Variants in RFXANK observed in about 807,000 individuals in gnomAD.
RFXANK encodes regulatory factor X associated ankyrin containing protein, also known as DNA-binding protein RFXANK.
A neutral mutation model predicts 34.5 loss-of-function variants in RFXANK; 19 were observed. The ratio of observed to expected loss-of-function variants is 0.55; its 90% confidence interval spans 0.38 to 0.81. The LOEUF (loss-of-function observed/expected upper bound fraction) is 0.81, where lower values mean the gene tolerates loss of function less well. RFXANK is among the 30% of genes least tolerant of loss of function. The pLI is 0.00. For missense variants in RFXANK, 295 were observed against 343.5 expected, an observed-to-expected ratio of 0.86 and a Z score of 1.12; for synonymous variants, 154 against 149.8, an observed-to-expected ratio of 1.03 and a Z score of -0.20.
intron 2 of RFXANK, among the ~76,000 whole-genome samples, 173 bp from the exon 3 acceptor site, chr19:19,193,766 T>C (rs898172730): frequency 1.3e-5 from 2 of 152,200 alleles, no homozygotes; most frequent in Non-Finnish European, 2.9e-5. Flanking sequence ...TGGTGGGGAA[T>C]GGTAGACCTC....
intron 8 of RFXANK, 74 bp from the exon 9 acceptor site, chr19:19,199,080 G>C: frequency 2.1e-6 from 3 of 1,400,428 alleles, no homozygotes; most frequent in Non-Finnish European, 3.0e-6. Context: ...GGTGCCATGG[G>C]ATCTCCCAGG....
intron 5 of RFXANK, 123 bp from the exon 6 acceptor site, chr19:19,197,395 CCAT>C: frequency 8.5e-7 from 1 of 1,182,966 alleles, no homozygotes. Context: ...TCATGTATGT[CCAT>C]CAACATACGC....
chr19:19,198,799 A>C, intron 8 of RFXANK, 76 bp downstream of exon 8: 1 of 1,427,340 alleles, frequency 7.0e-7, no homozygotes, highest in Non-Finnish European at 9.9e-7. Flanking sequence ...GGGCAGGGAG[A>C]CGCCCAAGTG....
rs761381018 is a variant in RFXANK at position 19,197,634 on chromosome 19, C to A, written c.438+13C>A. 6.2e-7 allele frequency: 1 copy of A among 1,611,656 alleles called. No individual in the cohort carries two copies. The highest frequency in any genetic ancestry group is 8.5e-7 in the Non-Finnish European group (1 of 1,178,406). On this transcript the variant is annotated intron_variant, in intron 6 of 9. Transcript: ENST00000303088. ...CCTGCTGGAGTGGGTGCGTCCCAGC[C>A]CAGCTGGGCAGCTGGGGGGTTCCCG...
Position 19,196,970 on chromosome 19 carries a change from C to T in RFXANK, c.195C>T (p.Ser65=), listed in dbSNP as rs759723151. The change falls in exon 4 of 10, where the codon AGC becomes AGT. Residue 65 remains serine, a synonymous_variant. Coordinates refer to ENST00000303088, the MANE Select transcript of RFXANK (RefSeq NM_003721.4). ...CTGTTGTCTGTTTCCCAGCAGGCAG[C>T]TCCCTGAAGCACTCCACCACTCTCA... The part of the protein sequence containing the change: ...DASVSSPQAG[S]SLKHSTTLTN... 1.2e-6 allele frequency: 2 copies of T among 1,612,114 alleles called. No homozygotes were observed. Among genetic ancestry groups the T allele is most frequent in the Non-Finnish European group, 8.5e-7 (1 of 1,179,942 alleles).
rs536121815 is a variant in RFXANK at position 19,197,531 on chromosome 19, C to T, written c.348C>T (p.Leu116=). The change falls in exon 6 of 10, where the codon CTC becomes CTT. Residue 116 remains leucine, a synonymous_variant. Transcript: ENST00000303088. The part of the protein sequence containing the change: ...LKEHLRKGDN[L]VNKPDERGFT... Reference sequence around the variant, plus strand: ...GCCTCCTCCTGCCAGGTGACAACCTCGTCAACAAGCCAGACGAGCGCGGCT... The same window carrying T: ...GCCTCCTCCTGCCAGGTGACAACCTTGTCAACAAGCCAGACGAGCGCGGCT... 7 of 1,613,792 alleles carry T rather than the reference C, an allele frequency of 4.3e-6. No individual in the cohort carries two copies. The highest frequency in any genetic ancestry group is 4.0e-5 in the African/African-American group (3 of 75,050).
At chr19:19,201,614 A>G (rs1394385805) in intron 9 of RFXANK, 35 bp from the exon 10 acceptor site, 6 of 1,613,746 alleles carry the variant, frequency 3.7e-6, no homozygotes, top group Non-Finnish European at 5.1e-6. Context: ...TCCCGATTCA[A>G]GCTCACAGCC....
Position 19,196,994 on chromosome 19 carries a change from C to T in RFXANK, c.219C>T (p.Leu73=). Residue 73 remains leucine, a synonymous_variant, in exon 4 of 10, where the codon CTC becomes CTT. Transcript: ENST00000303088. ...AGSSLKHSTT[L]TNRQRGNEVS... is the part of the protein sequence containing the mutation. Reference sequence around the variant, plus strand: ...GCTCCCTGAAGCACTCCACCACTCTCACCAACCGGCAGCGAGGGAACGAGG... The same window carrying T: ...GCTCCCTGAAGCACTCCACCACTCTTACCAACCGGCAGCGAGGGAACGAGG... 1.9e-6 allele frequency: 3 copies of T among 1,613,190 alleles called. No individual in the cohort carries two copies. Among genetic ancestry groups the T allele is most frequent in the Non-Finnish European group, 2.5e-6 (3 of 1,180,012 alleles).
At chr19:19,193,391 G>A (rs1163007738) in intron 2 of RFXANK, among the ~76,000 whole-genome samples, 1 of 149,928 alleles carries the variant, frequency 6.7e-6, no homozygotes, top group East Asian at 2.0e-4. Flanking sequence ...TGACCCCAGA[G>A]CCCCGGCTTT....
In RFXANK at chr19:19,193,076, G is replaced by A. The variant is rs1415530755; in HGVS notation, c.-33G>A. ...TGAGAGAACTGGGCTTTCGGCGCGGGGGGACAGAGGAGGCTCGTGGGGAGG... is the reference window on the plus strand; with the variant it reads ...TGAGAGAACTGGGCTTTCGGCGCGGAGGGACAGAGGAGGCTCGTGGGGAGG... On this transcript the variant is annotated 5_prime_UTR_variant, in exon 2 of 10. Coordinates refer to ENST00000303088, the MANE Select transcript of RFXANK (RefSeq NM_003721.4). 6.6e-6 allele frequency: 1 copy of A among 152,402 alleles called. No homozygotes were observed. Among genetic ancestry groups the A allele is most frequent in the Non-Finnish European group, 1.5e-5 (1 of 68,108 alleles). 9.4% of individuals were successfully genotyped at this position (152,402 alleles called of 1,614,324 possible).
chr19:19,192,305 A>G lies in RFXANK; in HGVS notation c.-399A>G. 1.4e-6 allele frequency: 1 copy of G among 736,340 alleles called. No individual in the cohort carries two copies. The highest frequency in any genetic ancestry group is 1.8e-5 in the African/African-American group (1 of 56,268). 45.6% of individuals were successfully genotyped at this position (736,340 alleles called of 1,614,324 possible). A position where few individuals can be genotyped will look rare whatever the true frequency, so the allele number is the denominator to read the frequency against. Reference sequence around the variant, plus strand: ...GTGTGAGACGCAGGGAAGGAGGCACACCCGGGGGTGGCGCAGTGAGGAGGG... The same window carrying G: ...GTGTGAGACGCAGGGAAGGAGGCACGCCCGGGGGTGGCGCAGTGAGGAGGG... On this transcript the variant is annotated 5_prime_UTR_variant, in exon 1 of 10. Transcript: ENST00000303088.
intron 9 of RFXANK, among the ~76,000 whole-genome samples, chr19:19,200,590 G>A (rs1171397963): frequency 1.3e-5 from 2 of 151,796 alleles, no homozygotes; most frequent in Non-Finnish European, 2.9e-5. Context: ...GGGACTACAG[G>A]CATGTACCAC....
At chr19:19,192,902 G>T (rs1280516798) in intron 1 of RFXANK, 58 bp from the exon 2 acceptor site, 2 of 152,406 alleles carry the variant, frequency 1.3e-5, no homozygotes, top group Non-Finnish European at 2.9e-5. Flanking sequence ...CAAGCGCAGT[G>T]GGGGAGCTCT....
chr19:19,198,345 G>A (rs1409226502), intron 7 of RFXANK, 113 bp downstream of exon 7: 2 of 1,485,174 alleles, frequency 1.3e-6, no homozygotes, highest in Admixed American at 1.9e-5. Context: ...GAGAACACGA[G>A]ACAGCCCCAT....
At position 19,201,406 on chromosome 19, in the gene RFXANK, A is replaced by G. The variant is rs571178532; in HGVS notation, c.713-243A>G. On this transcript the variant is annotated intron_variant, in intron 9 of 9. Coordinates refer to ENST00000303088, the MANE Select transcript of RFXANK (RefSeq NM_003721.4). ...TCTTTTCATGAAAGTCACAATTCAC[A>G]CATTTTGCTTGGTAGGAAATATTTT... The G allele has an allele frequency of 8.7e-6, 12 of 1,383,454 alleles. No homozygotes were observed. In the East Asian group the frequency reaches 2.7e-4, roughly 32 times the overall value. 85.7% of individuals were successfully genotyped at this position (1,383,454 alleles called of 1,614,324 possible).
At chr19:19,196,550 A>G (rs1293330421) in intron 3 of RFXANK, among the ~76,000 whole-genome samples, 1 of 147,188 alleles carries the variant, frequency 6.8e-6, no homozygotes, top group Non-Finnish European at 1.5e-5. Flanking sequence ...CAACAGAGCA[A>G]GACTCTGTCT....
At chr19:19,196,327 C>T (rs10409380) in intron 3 of RFXANK, among the ~76,000 whole-genome samples, 9 of 149,442 alleles carry the variant, frequency 6.0e-5, no homozygotes, top group African/African-American at 1.2e-4. Context: ...TGGGAGGCCA[C>T]GGCAGGAGAA....
At chr19:19,194,207 T>A in intron 3 of RFXANK, 74 bp downstream of exon 3, 1 of 1,477,670 alleles carries the variant, frequency 6.8e-7, no homozygotes, top group Non-Finnish European at 9.5e-7. Context: ...ATGGAACCTG[T>A]GTCTTGCTTT....
At position 19,192,276 on chromosome 19, in the gene RFXANK, G is replaced by A; in HGVS notation, c.-428G>A. On this transcript the variant is annotated 5_prime_UTR_variant, in exon 1 of 10. Transcript: ENST00000303088. ...CCTCAGTCTTTGCGGACAAGAAAGGGGCTGTGTGAGACGCAGGGAAGGAGG... is the reference window on the plus strand; with the variant it reads ...CCTCAGTCTTTGCGGACAAGAAAGGAGCTGTGTGAGACGCAGGGAAGGAGG... 5.2e-6 allele frequency: 5 copies of A among 965,128 alleles called. No homozygotes were observed. Among genetic ancestry groups the A allele is most frequent in the Non-Finnish European group, 7.7e-6 (5 of 650,546 alleles). The allele number at this position is 965,128 out of a possible 1,614,324, so 59.8% of individuals were successfully genotyped here.
Sources: gnomAD v4.1 joint callset for allele counts (sites outside exome capture counted in the v4.1 genomes callset) on GRCh38, gnomAD v4.1.1 for gene constraint, MANE v1.5 for transcripts, NCBI Gene and HGNC (gene_info 2026-07-23, HGNC 2026-07-21) for gene names.